Variants in ACTA2 observed in about 807,000 individuals in gnomAD.
The protein encoded by ACTA2 is actin, aortic smooth muscle.
In ACTA2, 12 loss-of-function variants were observed where a neutral mutation model predicts 39.5. The ratio of observed to expected loss-of-function variants is 0.30; its 90% CI spans 0.19 to 0.49. The LOEUF is 0.49. ACTA2 is among the 20% of genes least tolerant of loss of function. ACTA2 has a pLI of 0.99. For synonymous variants in ACTA2, 158 were observed against 180.6 expected, an observed-to-expected ratio of 0.88 and a Z score of 1.00; for missense variants, 236 against 498.8, an observed-to-expected ratio of 0.47 and a Z score of 5.02.
At chr10:88,950,070 A>G (rs1281049067) in intron 1 of ACTA2, among the ~76,000 whole-genome samples, 1 of 152,190 alleles carries the variant, frequency 6.6e-6, no homozygotes, top group Non-Finnish European at 1.5e-5. Flanking sequence ...TTTTCATCCA[A>G]TGCTCTCATT....
At chr10:88,962,869 C>T (rs1280860820) in intron 1 of ACTA2, among the ~76,000 whole-genome samples, 2 of 117,302 alleles carry the variant, frequency 1.7e-5, no homozygotes, top group Non-Finnish European at 3.5e-5. Flanking sequence ...AAAGGGACTT[C>T]TTAAATGGCA....
chr10:88,975,672 C>T lies in ACTA2; in HGVS notation c.-24+15267G>A, dbSNP rs1361262162. Among the ~76,000 whole-genome samples the T allele has an allele frequency of 2.0e-5, 3 of 151,992 alleles. No individual in the cohort carries two copies. In the East Asian group the frequency reaches 5.8e-4, roughly 29 times the overall value. On this transcript the variant is annotated intron_variant, in intron 1 of 4. Coordinates refer to the ACTA2 transcript ENST00000415557. Reference sequence around the variant, plus strand: ...TTTTTTTCAATGTTGGTCAATGCTGCGCCTCCAGGTCATAAAACAGTGCCT... The same window carrying T: ...TTTTTTTCAATGTTGGTCAATGCTGTGCCTCCAGGTCATAAAACAGTGCCT...
At chr10:88,986,482 A>T (rs1846888058) in intron 1 of ACTA2, among the ~76,000 whole-genome samples, 2 of 152,122 alleles carry the variant, frequency 1.3e-5, no homozygotes, top group Non-Finnish European at 2.9e-5. Context: ...ATTGCTCAAG[A>T]GGTAGGTTAG....
intron 1 of ACTA2, among the ~76,000 whole-genome samples, chr10:88,983,638 A>AC (rs1325553498): frequency 1.9e-5 from 2 of 102,878 alleles, no homozygotes; most frequent in African/African-American, 9.3e-5. Flanking sequence ...AAAAAAAAAA[A>AC]ACACACACAC....
chr10:88,973,284 A>T (rs1450636559), intron 1 of ACTA2: 1 of 1,612,310 alleles, frequency 6.2e-7, no homozygotes, highest in Admixed American at 1.7e-5. Context: ...GGGGATCTCT[A>T]GGTCATCATC....
chr10:88,938,268 C>T, intron 7 of ACTA2, 26 bp from the exon 8 acceptor site: 1 of 1,613,640 alleles, frequency 6.2e-7, no homozygotes, highest in Non-Finnish European at 8.5e-7. Flanking sequence ...AGGCCATGGT[C>T]CTTAAGTGGA....
At chr10:88,986,704 A>C (rs1846899161) in intron 1 of ACTA2, among the ~76,000 whole-genome samples, 1 of 151,822 alleles carries the variant, frequency 6.6e-6, no homozygotes, top group South Asian at 2.1e-4. Context: ...TGCAGGAAGG[A>C]AGTGGTACAG....
intron 8 of ACTA2, among the ~76,000 whole-genome samples, chr10:88,935,926 T>C (rs1027396828): frequency 7.2e-5 from 11 of 152,200 alleles, no homozygotes; most frequent in African/African-American, 2.7e-4. Context: ...TGGTTGGCCT[T>C]TCCCAGTGCA....
rs1206769832 is a variant in ACTA2 at position 88,948,880 on chromosome 10, C to G, written c.51G>C (p.Gly17=). The G allele has an allele frequency of 8.1e-6, 13 of 1,613,850 alleles. No homozygotes were observed. Among genetic ancestry groups the G allele is most frequent in the Non-Finnish European group, 1.1e-5 (13 of 1,179,904 alleles). ...CCCCAGCAAAGCCGGCCTTACAGAG[C>G]CCAGAGCCATTGTCACACACCAAGG... ...STALVCDNGS[G]LCKAGFAGDD... Residue 17 remains glycine, a synonymous_variant, in exon 2 of 9, where the codon GGG becomes GGC. Coordinates refer to ENST00000224784, the MANE Select transcript of ACTA2 (RefSeq NM_001613.4).
At chr10:88,936,259 T>C (rs890430309) in intron 8 of ACTA2, among the ~76,000 whole-genome samples, 1 of 152,234 alleles carries the variant, frequency 6.6e-6, no homozygotes, top group Non-Finnish European at 1.5e-5. Flanking sequence ...TCAGATCTGA[T>C]ATTCAAACCT....
At chr10:88,939,476 C>T in intron 7 of ACTA2, 31 bp downstream of exon 7, 2 of 1,611,502 alleles carry the variant, frequency 1.2e-6, no homozygotes, top group African/African-American at 2.7e-5. Flanking sequence ...CAATGACTCC[C>T]CTTCCCAGGA....
intron 4 of ACTA2, among the ~76,000 whole-genome samples, chr10:88,943,243 T>C (rs967519525): frequency 6.6e-6 from 1 of 152,186 alleles, no homozygotes; most frequent in African/African-American, 2.4e-5. Flanking sequence ...TTCAAACAAG[T>C]AATAATAATG....
chr10:88,964,839 C>T (rs1377756729), intron 1 of ACTA2, among the ~76,000 whole-genome samples: 6 of 152,154 alleles, frequency 3.9e-5, no homozygotes, highest in African/African-American at 1.2e-4. Context: ...AAAGGAGGCA[C>T]CCGTTCTGCT....
At chr10:88,963,343 C>T (rs1160633932) in intron 1 of ACTA2, among the ~76,000 whole-genome samples, 1 of 151,874 alleles carries the variant, frequency 6.6e-6, no homozygotes, top group Non-Finnish European at 1.5e-5. Flanking sequence ...TTATTTAATG[C>T]CTACCATGTC....
chr10:88,941,665 G>A, intron 5 of ACTA2, 120 bp downstream of exon 5: 1 of 952,608 alleles, frequency 1.0e-6, no homozygotes, highest in Admixed American at 2.0e-5. Flanking sequence ...TTTTAGGGCT[G>A]GGTTCAGCCG....
At chr10:88,982,529 T>C (rs140778674) in intron 1 of ACTA2, among the ~76,000 whole-genome samples, 42 of 152,166 alleles carry the variant, frequency 2.8e-4, no homozygotes, top group African/African-American at 9.9e-4. Context: ...AAGGCAGAGA[T>C]TCACTGAGGG....
chr10:88,958,827 G>C (rs1387207963), intron 1 of ACTA2, among the ~76,000 whole-genome samples: 2 of 152,088 alleles, frequency 1.3e-5, no homozygotes, highest in Non-Finnish European at 2.9e-5. Context: ...CAAGGTTCCT[G>C]GTGTACCCGA....
At position 88,951,168 on chromosome 10, in the gene ACTA2, GA is replaced by G. The variant is rs367655296; in HGVS notation, c.-24+1562del. On this transcript the variant is annotated intron_variant, in intron 1 of 8. Coordinates refer to ENST00000224784, the MANE Select transcript of ACTA2 (RefSeq NM_001613.4). ...GAGCAGATTAAGAAGCTTTAGAAAA[GA>G]GGCGAGAACTATAAAGGAGAAAAAA... is the stretch of plus-strand genomic sequence containing the variant. Among the ~76,000 whole-genome samples the G allele has an allele frequency of 3.0e-4, 45 of 152,236 alleles. 1 individual carries two copies. The South Asian group carries it at 9.1e-3, about 31-fold the overall frequency.
rs571162732 is a variant in ACTA2 at position 88,959,845 on chromosome 10, T to TTTGAGGAGTATTGATCAGATGTTTTG, written c.-23-10918_-23-10893dup. On this transcript the variant is annotated intron_variant, in intron 1 of 4. Coordinates refer to the ACTA2 transcript ENST00000415557. ...TCTTATTTTTAATGACCTTGACAGTTTTGAGGAGTATTGATCAGATGTTTT... is the reference window on the plus strand; with the variant it reads ...TCTTATTTTTAATGACCTTGACAGTTTTGAGGAGTATTGATCAGATGTTTTGTTGAGGAGTATTGATCAGATGTTTT... Among the ~76,000 whole-genome samples the TTTGAGGAGTATTGATCAGATGTTTTG allele has an allele frequency of 4.0e-3, 602 of 152,294 alleles. 6 individuals carry two copies. Among genetic ancestry groups the TTTGAGGAGTATTGATCAGATGTTTTG allele is most frequent in the Non-Finnish European group, 6.7e-3 (455 of 68,004 alleles).
Sources: gnomAD v4.1 joint callset for allele counts (sites outside exome capture counted in the v4.1 genomes callset) on GRCh38, gnomAD v4.1.1 for gene constraint, MANE v1.5 for transcripts, NCBI Gene and HGNC (gene_info 2026-07-23, HGNC 2026-07-21) for gene names.